The following ARB2A variants were observed in gnomAD, a reference collection of about 807,000 sequenced individuals.
ARB2A encodes the protein cotranscriptional regulator ARB2A.
At chr5:93,997,145 T>C in the ARB2A span, among the ~76,000 whole-genome samples, 1 of 152,076 alleles carries the variant, frequency 6.6e-6, no homozygotes, top group African/African-American at 2.4e-5. Context: ...CAGCTGCTTT[T>C]ATTTCCAGTT....
At chr5:93,897,109 A>T in the ARB2A span, among the ~76,000 whole-genome samples, 1 of 152,018 alleles carries the variant, frequency 6.6e-6, no homozygotes. Flanking sequence ...CATATAACTC[A>T]AATGAAATCA....
chr5:93,782,961 T>A, the ARB2A span, among the ~76,000 whole-genome samples: 11 of 152,118 alleles, frequency 7.2e-5, no homozygotes, highest in African/African-American at 2.7e-4. Flanking sequence ...GCAGGCTTGA[T>A]TAAATTATGA....
chr5:93,732,615 T>TAA, the ARB2A span, among the ~76,000 whole-genome samples: 1 of 151,966 alleles, frequency 6.6e-6, no homozygotes, highest in African/African-American at 2.4e-5. Flanking sequence ...ACCTTAATTT[T>TAA]TAGCAATGTT....
the ARB2A span, chr5:93,682,764 A>G: frequency 1.2e-6 from 1 of 806,464 alleles, no homozygotes; most frequent in Non-Finnish European, 2.2e-6. Context: ...TATAAAAAGG[A>G]CAGCCAGATA....
At chr5:93,885,101 C>T in the ARB2A span, among the ~76,000 whole-genome samples, 4 of 151,454 alleles carry the variant, frequency 2.6e-5, no homozygotes, top group Non-Finnish European at 5.9e-5. Context: ...TGAATAATAT[C>T]AACTTCCTCA....
the ARB2A span, among the ~76,000 whole-genome samples, chr5:93,728,136 G>A: frequency 6.6e-6 from 1 of 151,900 alleles, no homozygotes; most frequent in South Asian, 2.1e-4. Flanking sequence ...TGTTCTTTAT[G>A]CCTAAATAGT....
the ARB2A span, among the ~76,000 whole-genome samples, chr5:93,645,671 A>G: frequency 6.6e-6 from 1 of 152,216 alleles, no homozygotes; most frequent in Non-Finnish European, 1.5e-5. Flanking sequence ...AAAGTGTAGT[A>G]TCTAAAATGA....
At chr5:93,855,557 T>A in the ARB2A span, among the ~76,000 whole-genome samples, 1 of 152,190 alleles carries the variant, frequency 6.6e-6, no homozygotes, top group Non-Finnish European at 1.5e-5. Flanking sequence ...CTAGCCTTGA[T>A]GGTCTTTACA....
chr5:94,083,118 ACT>A, the ARB2A span, among the ~76,000 whole-genome samples: 1 of 152,142 alleles, frequency 6.6e-6, no homozygotes, highest in Non-Finnish European at 1.5e-5. Flanking sequence ...CAGGAAATAA[ACT>A]CTGTGACACT....
chr5:93,812,296 T>G, the ARB2A span, among the ~76,000 whole-genome samples: 1 of 152,078 alleles, frequency 6.6e-6, no homozygotes, highest in Non-Finnish European at 1.5e-5. Flanking sequence ...AACAGGATTT[T>G]TTTCCTGAGA....
At chr5:94,038,572 T>C in the ARB2A span, among the ~76,000 whole-genome samples, 1 of 152,114 alleles carries the variant, frequency 6.6e-6, no homozygotes, top group African/African-American at 2.4e-5. Flanking sequence ...TTGTGTATTA[T>C]GGCACTGCAT....
the ARB2A span, among the ~76,000 whole-genome samples, chr5:93,701,856 G>A: frequency 2.6e-5 from 4 of 152,060 alleles, no homozygotes; most frequent in East Asian, 3.9e-4. Flanking sequence ...CTTGCCTGCC[G>A]TAAATGAGTG....
the ARB2A span, among the ~76,000 whole-genome samples, chr5:93,911,653 C>T: frequency 1.3e-5 from 2 of 149,294 alleles, no homozygotes; most frequent in Non-Finnish European, 3.0e-5. Flanking sequence ...CACACACACA[C>T]ATACACACAA....
At chr5:93,859,081 C>G in the ARB2A span, among the ~76,000 whole-genome samples, 130 of 152,002 alleles carry the variant, frequency 8.6e-4, no homozygotes, top group African/African-American at 3.1e-3. Context: ...GAACAAAACC[C>G]AGGAATAAAG....
chr5:93,994,905 CTAAA>C, the ARB2A span, among the ~76,000 whole-genome samples: 4,947 of 149,584 alleles, frequency 0.033, 152 homozygotes, highest in African/African-American at 0.08. Context: ...GACCCTGTCT[CTAAA>C]TAAATAAATA....
At chr5:94,053,072 T>TATAGATAGATAGATAGATAG in the ARB2A span, 2 of 638,190 alleles carry the variant, frequency 3.1e-6, no homozygotes, top group Non-Finnish European at 2.6e-6. Flanking sequence ...TTGCATATAC[T>TATAGATAGATAGATAGATAG]ATAGATAGAT....
At chr5:93,660,284 G>A in the ARB2A span, among the ~76,000 whole-genome samples, 1,171 of 152,144 alleles carry the variant, frequency 7.7e-3, 13 homozygotes, top group African/African-American at 0.025. Flanking sequence ...ATGGTAACTC[G>A]TGGAGGCAGG....
the ARB2A span, among the ~76,000 whole-genome samples, chr5:94,067,732 C>T: frequency 6.6e-6 from 1 of 152,102 alleles, no homozygotes; most frequent in African/African-American, 2.4e-5. Flanking sequence ...AATTCAATGA[C>T]CATACTGCTC....
chr5:93,912,669 T>C, the ARB2A span, among the ~76,000 whole-genome samples: 13,900 of 151,842 alleles, frequency 0.092, 794 homozygotes, highest in Middle Eastern at 0.16. Flanking sequence ...TTCTAAGAAA[T>C]ATTAAATGCA....
Sources: gnomAD v4.1 joint callset for allele counts (sites outside exome capture counted in the v4.1 genomes callset) on GRCh38, gnomAD v4.1.1 for gene constraint, MANE v1.5 for transcripts, NCBI Gene and HGNC (gene_info 2026-07-23, HGNC 2026-07-21) for gene names.